Variants in ASB3 observed in about 807,000 individuals in gnomAD.
ASB3 encodes ankyrin repeat and SOCS box protein 3.
In ASB3, 41 loss-of-function variants were observed where a neutral mutation model predicts 54.5. That is an observed-to-expected ratio of 0.75 (90% CI 0.59 to 0.98). The LOEUF (loss-of-function observed/expected upper bound fraction) is 0.98, where lower values mean the gene tolerates loss of function less well. ASB3 is among the 50% of genes least tolerant of loss of function. The probability of loss-of-function intolerance (pLI) is 0.00; values close to 1 mark genes in which losing one functional copy is unlikely to be tolerated. For synonymous variants in ASB3, 266 were observed against 221.2 expected (o/e 1.20, Z -1.80); for missense variants, 733 against 620.0 (o/e 1.18, Z -1.94).
chr2:53,728,714 G>T lies in ASB3; in HGVS notation c.602C>A (p.Ser201Ter). Reference sequence around the variant, plus strand: ...CAAAGGCTAATGGATAATCTTACCCGATGAAATAAGTATGCTCAAGCTTTC... The same window carrying T: ...CAAAGGCTAATGGATAATCTTACCCTATGAAATAAGTATGCTCAAGCTTTC... The part of the protein sequence containing the change: ...KLESLSILIS[S>*]GANVNCQALD... The change falls in exon 5 of 10, where the codon TCG becomes TAG. Residue 201 changes from serine to a stop codon, truncating the protein, a stop_gained and splice_region_variant. Coordinates refer to ENST00000263634, the MANE Select transcript of ASB3 (RefSeq NM_016115.5). LOFTEE classifies it high-confidence loss of function. 6.2e-7 allele frequency: 1 copy of T among 1,600,794 alleles called. No homozygotes were observed. The highest frequency in any genetic ancestry group is 1.1e-5 in the South Asian group (1 of 88,726).
At chr2:53,731,685 C>T (rs1318824374) in intron 3 of ASB3, among the ~76,000 whole-genome samples, 2 of 152,184 alleles carry the variant, frequency 1.3e-5, no homozygotes, top group South Asian at 2.1e-4. Flanking sequence ...ACAAGCCTCG[C>T]TCTGTCGCCC....
intron 5 of ASB3, among the ~76,000 whole-genome samples, chr2:53,728,167 T>C (rs561657457): frequency 1.3e-5 from 2 of 152,278 alleles, no homozygotes; most frequent in South Asian, 4.1e-4. Context: ...GTCACAAAAT[T>C]GTCACTTAGA....
At chr2:53,753,399 A>G (rs1350039823) in intron 2 of ASB3, among the ~76,000 whole-genome samples, 1 of 152,210 alleles carries the variant, frequency 6.6e-6, no homozygotes, top group Non-Finnish European at 1.5e-5. Context: ...AAGGTTACAT[A>G]TAAGGAAAGA....
intron 4 of ASB3, 130 bp downstream of exon 4, chr2:53,729,328 G>T: frequency 1.3e-6 from 1 of 792,212 alleles, no homozygotes; most frequent in Non-Finnish European, 2.0e-6. Flanking sequence ...CATTTAGACT[G>T]CCTTTTCTGT....
Position 53,745,212 on chromosome 2 carries a change from A to T in ASB3, c.355+5571T>A, listed in dbSNP as rs192059024. ...CCCTTAGAATATTTATTATGTGTAT[A>T]TGGAGCAAGGGGAAGGGAAAGAGAG... On this transcript the variant is annotated intron_variant, in intron 3 of 9. Coordinates refer to ENST00000263634, the MANE Select transcript of ASB3 (RefSeq NM_016115.5). Among the ~76,000 whole-genome samples, 11 of 152,332 alleles carry T rather than the reference A, an allele frequency of 7.2e-5. No individual in the cohort carries two copies. The East Asian group carries it at 1.7e-3, about 24-fold the overall frequency.
intron 3 of ASB3, among the ~76,000 whole-genome samples, chr2:53,741,070 A>T (rs1029656929): frequency 6.6e-6 from 1 of 152,194 alleles, no homozygotes; most frequent in African/African-American, 2.4e-5. Context: ...ACCTTGTAAG[A>T]ATGACCCATA....
chr2:53,693,006 A>C (rs1668998326), intron 9 of ASB3, among the ~76,000 whole-genome samples: 1 of 152,194 alleles, frequency 6.6e-6, no homozygotes, highest in Non-Finnish European at 1.5e-5. Context: ...TTGATTGAGA[A>C]AATTTACTTA....
In ASB3 at chr2:53,670,004, CATAAGAGATA is replaced by C. The variant is rs1377074560; in HGVS notation, c.*489_*498del. The C allele has an allele frequency of 9.0e-6, 1 of 110,862 alleles. No homozygotes were observed. The highest frequency in any genetic ancestry group is 3.5e-5 in the African/African-American group (1 of 28,982). 6.9% of individuals were successfully genotyped at this position (110,862 alleles called of 1,614,324 possible). A position where few individuals can be genotyped will look rare whatever the true frequency, so the allele number is the denominator to read the frequency against. On this transcript the variant is annotated 3_prime_UTR_variant, in exon 10 of 10. Coordinates refer to ENST00000263634, the MANE Select transcript of ASB3 (RefSeq NM_016115.5). ...ATAGGAAAACATGTTCTTTAATAAA[CATAAGAGATA>C]GTCAAGTCTAAATAAAATAATAATG...
At chr2:53,683,795 G>A (rs1053063415) in intron 9 of ASB3, among the ~76,000 whole-genome samples, 9 of 151,842 alleles carry the variant, frequency 5.9e-5, no homozygotes, top group South Asian at 2.1e-4. Context: ...GAATTTCTAC[G>A]GTATCGGTTA....
intron 8 of ASB3, 117 bp downstream of exon 8, chr2:53,700,154 G>A: frequency 6.8e-7 from 1 of 1,466,096 alleles, no homozygotes; most frequent in East Asian, 2.3e-5. Context: ...CCCCAATTCA[G>A]CCATCACAGT....
At chr2:53,719,293 C>T (rs1046613891) in intron 5 of ASB3, among the ~76,000 whole-genome samples, 12 of 152,178 alleles carry the variant, frequency 7.9e-5, no homozygotes, top group East Asian at 1.9e-4. Flanking sequence ...CAGTGGCTCA[C>T]GCCTATAAGC....
chr2:53,737,043 C>T (rs1386413426), intron 3 of ASB3, among the ~76,000 whole-genome samples: 1 of 152,142 alleles, frequency 6.6e-6, no homozygotes, highest in Non-Finnish European at 1.5e-5. Context: ...GATTCCCTCG[C>T]CAAATTGAAT....
chr2:53,715,795 G>A (rs113341595), intron 6 of ASB3, among the ~76,000 whole-genome samples: 4 of 151,988 alleles, frequency 2.6e-5, no homozygotes, highest in African/African-American at 7.2e-5. Flanking sequence ...TGACCAAATT[G>A]CAGAATCTGT....
At chr2:53,673,659 G>T (rs1243875221) in intron 9 of ASB3, among the ~76,000 whole-genome samples, 3 of 152,134 alleles carry the variant, frequency 2.0e-5, no homozygotes, top group Admixed American at 2.0e-4. Context: ...AGATCTCAAT[G>T]ATTTGACTCC....
intron 2 of ASB3, among the ~76,000 whole-genome samples, chr2:53,754,139 G>A (rs1672685043): frequency 6.6e-6 from 1 of 152,156 alleles, no homozygotes; most frequent in Non-Finnish European, 1.5e-5. Context: ...GGCATCCTAT[G>A]ACCAAAACAA....
chr2:53,741,973 G>C (rs1671956447), intron 3 of ASB3, among the ~76,000 whole-genome samples: 1 of 152,136 alleles, frequency 6.6e-6, no homozygotes. Flanking sequence ...GCACATCTAA[G>C]AAAAAGCTAG....
At chr2:53,672,195 C>G (rs1276465633) in intron 9 of ASB3, among the ~76,000 whole-genome samples, 2 of 152,096 alleles carry the variant, frequency 1.3e-5, no homozygotes, top group African/African-American at 4.8e-5. Context: ...CAAAAGTTAT[C>G]GATTTTGTAC....
intron 9 of ASB3, among the ~76,000 whole-genome samples, chr2:53,678,935 A>C (rs1334595756): frequency 6.6e-6 from 1 of 151,288 alleles, no homozygotes; most frequent in Non-Finnish European, 1.5e-5. Flanking sequence ...CTGTCTTTAA[A>C]CTCCAACAGA....
chr2:53,715,450 A>C (rs1393793120), intron 6 of ASB3, among the ~76,000 whole-genome samples: 1 of 152,168 alleles, frequency 6.6e-6, no homozygotes, highest in Non-Finnish European at 1.5e-5. Flanking sequence ...ACACTCACAA[A>C]AGGGGTTACC....
Sources: gnomAD v4.1 joint callset for allele counts (sites outside exome capture counted in the v4.1 genomes callset) on GRCh38, gnomAD v4.1.1 for gene constraint, MANE v1.5 for transcripts, NCBI Gene and HGNC (gene_info 2026-07-23, HGNC 2026-07-21) for gene names.